Variants in RBFOX1 observed in about 807,000 individuals in gnomAD.
RBFOX1 encodes RNA binding fox-1 homolog 1.
In RBFOX1, 8 loss-of-function variants were observed where a neutral mutation model predicts 57.7. The observed-to-expected ratio is 0.14, with a 90% CI of 0.08 to 0.25. The LOEUF (loss-of-function observed/expected upper bound fraction) is 0.25. Among genes scored for constraint, RBFOX1 ranks in the 10% least tolerant of loss-of-function variants. The pLI, the probability that RBFOX1 is intolerant of heterozygous loss-of-function variation, is 1.00. For synonymous variants in RBFOX1, 326 were observed against 222.4 expected (o/e 1.47, Z -4.15); for missense variants, 611 against 548.5 (o/e 1.11, Z -1.14).
chr16:6,448,093 G>A (rs372405815), intron 2 of RBFOX1, among the ~76,000 whole-genome samples: 7 of 138,612 alleles, frequency 5.1e-5, no homozygotes, highest in East Asian at 4.3e-4. Flanking sequence ...ATGTTTGTTC[G>A]TTTGGTTTTT....
intron 1 of RBFOX1, among the ~76,000 whole-genome samples, chr16:6,138,699 C>G (rs1249291768): frequency 6.6e-6 from 1 of 152,110 alleles, no homozygotes; most frequent in African/African-American, 2.4e-5. Context: ...AACCCCGTCT[C>G]TACTGAAAAT....
intron 1 of RBFOX1, among the ~76,000 whole-genome samples, chr16:6,271,835 T>A (rs1181473595): frequency 6.6e-6 from 1 of 152,128 alleles, no homozygotes; most frequent in African/African-American, 2.4e-5. Flanking sequence ...AATCTCCAGA[T>A]CAGGAGGTTT....
chr16:6,675,832 C>T (rs146798165), intron 3 of RBFOX1, among the ~76,000 whole-genome samples: 12 of 152,184 alleles, frequency 7.9e-5, no homozygotes, highest in African/African-American at 2.4e-4. Context: ...CAGGCCCCTC[C>T]CACAACAAAT....
chr16:5,983,984 C>G (rs556289973), intron 4 of RBFOX1, among the ~76,000 whole-genome samples: 1 of 139,238 alleles, frequency 7.2e-6, no homozygotes, highest in East Asian at 2.3e-4. Flanking sequence ...CTTCTTCTTC[C>G]TCCCACATTC....
intron 4 of RBFOX1, among the ~76,000 whole-genome samples, chr16:7,072,553 A>C (rs575798538): frequency 2.0e-5 from 3 of 152,344 alleles, no homozygotes; most frequent in South Asian, 4.2e-4. Context: ...TTTGTTGTTA[A>C]TACAATGAAA....
chr16:5,533,073 T>A (rs2044550845), intron 2 of RBFOX1, among the ~76,000 whole-genome samples: 1 of 152,188 alleles, frequency 6.6e-6, no homozygotes, highest in South Asian at 2.1e-4. Context: ...TTTTCTTGTT[T>A]TGCCTCTGAA....
chr16:6,654,720 T>G, intron 3 of RBFOX1, 70 bp downstream of exon 3: 2 of 1,183,168 alleles, frequency 1.7e-6, no homozygotes, highest in Non-Finnish European at 2.3e-6. Context: ...CCCAGGTGTT[T>G]AAGGCATGCC....
At chr16:7,161,375 A>G (rs2078288686) in intron 4 of RBFOX1, among the ~76,000 whole-genome samples, 1 of 152,224 alleles carries the variant, frequency 6.6e-6, no homozygotes, top group Non-Finnish European at 1.5e-5. Context: ...AACAAAATTC[A>G]TCATATATTT....
intron 14 of RBFOX1, among the ~76,000 whole-genome samples, chr16:7,697,061 G>C (rs2079023095): frequency 6.6e-6 from 1 of 152,174 alleles, no homozygotes; most frequent in Non-Finnish European, 1.5e-5. Context: ...GTGATGCAGA[G>C]GCATTGGAGG....
chr16:5,958,848 T>G (rs1439867499), intron 4 of RBFOX1, among the ~76,000 whole-genome samples: 1 of 152,194 alleles, frequency 6.6e-6, no homozygotes, highest in Non-Finnish European at 1.5e-5. Flanking sequence ...TTACTAACCT[T>G]GGTTCTCCTG....
intron 3 of RBFOX1, among the ~76,000 whole-genome samples, chr16:5,639,230 G>A (rs1467462481): frequency 6.6e-6 from 1 of 152,166 alleles, no homozygotes; most frequent in Non-Finnish European, 1.5e-5. Flanking sequence ...TTTCATCTAT[G>A]TACGTAAGGG....
chr16:6,916,426 G>A (rs2073171139), intron 3 of RBFOX1, among the ~76,000 whole-genome samples: 1 of 152,028 alleles, frequency 6.6e-6, no homozygotes, highest in East Asian at 1.9e-4. Context: ...CCTAGGTGTG[G>A]AATTGCTGGG....
intron 4 of RBFOX1, among the ~76,000 whole-genome samples, chr16:5,879,272 T>C (rs1477929012): frequency 6.6e-6 from 1 of 152,154 alleles, no homozygotes; most frequent in African/African-American, 2.4e-5. Context: ...CAGCAGGGGT[T>C]TCAGATGGTA....
intron 1 of RBFOX1, among the ~76,000 whole-genome samples, chr16:6,122,683 C>T (rs2152641646): frequency 6.6e-6 from 1 of 152,156 alleles, no homozygotes; most frequent in Non-Finnish European, 1.5e-5. Flanking sequence ...TGGCTCTTCC[C>T]TTATTGAAGG....
intron 4 of RBFOX1, among the ~76,000 whole-genome samples, chr16:7,507,318 C>T (rs1298865809): frequency 1.3e-5 from 2 of 152,030 alleles, no homozygotes; most frequent in East Asian, 1.9e-4. Flanking sequence ...CTATTTTATT[C>T]TTCTCTCATG....
At chr16:6,755,667 A>G (rs1045581997) in intron 3 of RBFOX1, among the ~76,000 whole-genome samples, 1 of 152,138 alleles carries the variant, frequency 6.6e-6, no homozygotes, top group Non-Finnish European at 1.5e-5. Flanking sequence ...ACAACTTTTA[A>G]TCACTTTGCT....
intron 10 of RBFOX1, among the ~76,000 whole-genome samples, chr16:7,629,782 C>T (rs976642727): frequency 5.9e-5 from 9 of 152,316 alleles, no homozygotes; most frequent in Non-Finnish European, 5.9e-5. Context: ...CAGTGCCCTT[C>T]GCTTTAAATC....
At chr16:5,795,533 C>T (rs1041757680) in intron 3 of RBFOX1, among the ~76,000 whole-genome samples, 7 of 152,094 alleles carry the variant, frequency 4.6e-5, no homozygotes, top group African/African-American at 1.7e-4. Context: ...TCAAACAATC[C>T]TCCTGCCTTG....
At chr16:6,858,163 A>C (rs1025257144) in intron 3 of RBFOX1, among the ~76,000 whole-genome samples, 2 of 152,218 alleles carry the variant, frequency 1.3e-5, no homozygotes, top group African/African-American at 2.4e-5. Context: ...TAATATTTGA[A>C]GGAAGAAATA....
Sources: allele counts gnomAD v4.1 joint callset (sites outside exome capture counted in the v4.1 genomes callset), GRCh38; gene constraint gnomAD v4.1.1; transcripts MANE v1.5; gene names NCBI Gene and HGNC (gene_info 2026-07-23, HGNC 2026-07-21).